Variants in SRGAP2C observed in about 807,000 individuals in gnomAD.
The protein encoded by SRGAP2C is SLIT-ROBO Rho GTPase activating protein 2C.
In SRGAP2C, 15 loss-of-function variants were observed where a neutral mutation model predicts 25.1. The ratio of observed to expected loss-of-function variants is 0.60; its 90% CI spans 0.40 to 0.92. The LOEUF is 0.92. Among genes scored for constraint, SRGAP2C ranks in the 40% least tolerant of loss-of-function variants. The pLI, the probability that SRGAP2C is intolerant of heterozygous loss-of-function variation, is 0.00. For missense variants in SRGAP2C, 144 were observed against 264.4 expected (o/e 0.54, Z 3.16); for synonymous variants, 44 against 96.6 (o/e 0.46, Z 3.19).
chr1:121,314,203 T>TC (rs1658036475), intron 3 of SRGAP2C, among the ~76,000 whole-genome samples: 1 of 129,802 alleles, frequency 7.7e-6, no homozygotes, highest in Non-Finnish European at 1.6e-5. Flanking sequence ...TACCCTTTCT[T>TC]CCAGTTGATC....
intron 2 of SRGAP2C, among the ~76,000 whole-genome samples, chr1:121,201,753 AAG>A (rs1654984686): frequency 2.0e-5 from 3 of 152,240 alleles, no homozygotes; most frequent in African/African-American, 7.2e-5. Context: ...GTGGAGATTG[AAG>A]ATAAGAGCGT....
At chr1:121,218,639 C>T (rs1295327596) in intron 2 of SRGAP2C, among the ~76,000 whole-genome samples, 3 of 149,036 alleles carry the variant, frequency 2.0e-5, no homozygotes, top group African/African-American at 5.1e-5. Flanking sequence ...CCCAGCTACT[C>T]GGGAGGCTAA....
rs1395803553 is a variant in SRGAP2C, at chr1:121,391,261, A to G, written c.*3406A>G. On this transcript the variant is annotated 3_prime_UTR_variant, in exon 10 of 10. Transcript: ENST00000367123. Reference sequence around the variant, plus strand: ...CTCATTCACGTACATGGGAGAGTCTACAAAGTCACACGTATTCATAGGTTA... The same window carrying G: ...CTCATTCACGTACATGGGAGAGTCTGCAAAGTCACACGTATTCATAGGTTA... 3.3e-5 allele frequency: 5 copies of G among 151,750 alleles called. No individual in the cohort carries two copies. Among genetic ancestry groups the G allele is most frequent in the African/African-American group, 4.8e-5 (2 of 41,312 alleles). The allele number at this position is 151,750 out of a possible 1,614,324, so 9.4% of individuals were successfully genotyped here.
At chr1:121,370,973 CT>C (rs1170181037) in intron 5 of SRGAP2C, among the ~76,000 whole-genome samples, 3 of 151,080 alleles carry the variant, frequency 2.0e-5, no homozygotes, top group Non-Finnish European at 3.0e-5. Flanking sequence ...ATTTTAGAAC[CT>C]TTTTTTTCCT....
intron 2 of SRGAP2C, among the ~76,000 whole-genome samples, chr1:121,206,488 T>G (rs1290289905): frequency 9.2e-5 from 14 of 152,042 alleles, no homozygotes; most frequent in Admixed American, 4.6e-4. Flanking sequence ...CACTCTGAGT[T>G]GAAGAGTGAT....
chr1:121,315,022 T>A, intron 3 of SRGAP2C: 1 of 1,042,224 alleles, frequency 9.6e-7, no homozygotes, highest in South Asian at 1.3e-5. Context: ...GCTGTTATCT[T>A]CAGCTTCTTC....
intron 3 of SRGAP2C, among the ~76,000 whole-genome samples, chr1:121,285,666 T>TTGC (rs1264531043): frequency 1.4e-5 from 2 of 144,050 alleles, no homozygotes; most frequent in African/African-American, 5.2e-5. Context: ...ATCATCTTTT[T>TTGC]TGCCTGAATG....
At chr1:121,203,206 G>A (rs1655028765) in intron 2 of SRGAP2C, among the ~76,000 whole-genome samples, 1 of 152,004 alleles carries the variant, frequency 6.6e-6, no homozygotes, top group Middle Eastern at 3.4e-3. Context: ...TAGCAAGAGG[G>A]GTGATCGGAT....
Position 121,276,730 on chromosome 1 carries a change from CT to C in SRGAP2C, c.68-8064del, listed in dbSNP as rs1234112399. Among the ~76,000 whole-genome samples the C allele has an allele frequency of 2.4e-4, 11 of 45,436 alleles. 1 individual carries two copies. The highest frequency in any genetic ancestry group is 7.2e-4 in the African/African-American group (7 of 9,744). The allele number at this position is 45,436 out of a possible 152,430, so 29.8% of individuals were successfully genotyped here. A position where few individuals can be genotyped will look rare whatever the true frequency, so the allele number is the denominator to read the frequency against. On this transcript the variant is annotated intron_variant, in intron 2 of 9. Transcript: ENST00000367123. ...AGTCAACTGAACAGACAAATTTATT[CT>C]TTTTTTTTATTTTTATTTTTTGAGA...
chr1:121,356,769 T>C (rs1659073345), intron 4 of SRGAP2C, among the ~76,000 whole-genome samples: 1 of 151,926 alleles, frequency 6.6e-6, no homozygotes, highest in African/African-American at 2.4e-5. Context: ...AAGATGGAAA[T>C]TTGCCAAGAC....
chr1:121,280,276 AC>A (rs1657211880), intron 2 of SRGAP2C, among the ~76,000 whole-genome samples: 1 of 150,792 alleles, frequency 6.6e-6, no homozygotes, highest in Non-Finnish European at 1.5e-5. Context: ...TTTTAAAAAA[AC>A]ATAATAAGAA....
At chr1:121,199,095 A>G (rs1280666889) in intron 2 of SRGAP2C, among the ~76,000 whole-genome samples, 1 of 151,504 alleles carries the variant, frequency 6.6e-6, no homozygotes, top group African/African-American at 2.4e-5. Flanking sequence ...TGCTTTACAT[A>G]TATGAACTCA....
chr1:121,243,782 G>GTT lies in SRGAP2C; in HGVS notation c.68-41007_68-41006dup, dbSNP rs57068907. Among the ~76,000 whole-genome samples the GTT allele has an allele frequency of 1.5e-4, 15 of 96,978 alleles. No homozygotes were observed. In the East Asian group the frequency reaches 1.6e-3, roughly 10 times the overall value. The allele number at this position is 96,978 out of a possible 152,430, so 63.6% of individuals were successfully genotyped here. A position where few individuals can be genotyped will look rare whatever the true frequency, so the allele number is the denominator to read the frequency against. On this transcript the variant is annotated intron_variant, in intron 2 of 9. Transcript: ENST00000367123. ...GTGATATTTACCATGCAGTGTTTTT[G>GTT]TTTTTTTTTTTTTTTGAAATGATTA...
chr1:121,211,396 G>A (rs1459070935), intron 2 of SRGAP2C, among the ~76,000 whole-genome samples: 1 of 136,144 alleles, frequency 7.3e-6, no homozygotes, highest in South Asian at 2.4e-4. Flanking sequence ...CATGTTGAGA[G>A]AGAGATATAT....
intron 3 of SRGAP2C, among the ~76,000 whole-genome samples, chr1:121,293,579 T>A (rs1157474130): frequency 6.6e-6 from 1 of 152,056 alleles, no homozygotes; most frequent in Non-Finnish European, 1.5e-5. Context: ...ATTAATGGAA[T>A]TCAAAGAAGC....
At position 121,389,195 on chromosome 1, in the gene SRGAP2C, A is replaced by G. The variant is rs1409118995; in HGVS notation, c.*1340A>G. 6.6e-6 allele frequency: 1 copy of G among 152,104 alleles called. No individual in the cohort carries two copies. Among genetic ancestry groups the G allele is most frequent in the African/African-American group, 2.4e-5 (1 of 41,438 alleles). 9.4% of individuals were successfully genotyped at this position (152,104 alleles called of 1,614,324 possible). A position where few individuals can be genotyped will look rare whatever the true frequency, so the allele number is the denominator to read the frequency against. On this transcript the variant is annotated 3_prime_UTR_variant, in exon 10 of 10. Transcript: ENST00000367123. ...AAAACCTATACAAAAAAATAACAGA[A>G]TGGCATTTTAGCTCATTCATTGATT...
chr1:121,213,126 A>G (rs1655308857), intron 2 of SRGAP2C, among the ~76,000 whole-genome samples: 2 of 148,296 alleles, frequency 1.3e-5, no homozygotes, highest in South Asian at 4.3e-4. Context: ...GCTCACTGCA[A>G]CCTCTGCCTC....
chr1:121,261,094 A>ATTTTTTTT lies in SRGAP2C; in HGVS notation c.68-23687_68-23680dup, dbSNP rs1211026484. 5.3e-3 allele frequency among the ~76,000 whole-genome samples: 139 copies of ATTTTTTTT among 26,274 alleles called. 7 individuals carry two copies. The highest frequency in any genetic ancestry group is 0.014 in the East Asian group (9 of 630). The allele number at this position is 26,274 out of a possible 152,430, so 17.2% of individuals were successfully genotyped here. A position where few individuals can be genotyped will look rare whatever the true frequency, so the allele number is the denominator to read the frequency against. On this transcript the variant is annotated intron_variant, in intron 2 of 9. Coordinates refer to ENST00000367123, the MANE Select transcript of SRGAP2C (RefSeq NM_001329984.2). The stretch of plus-strand genomic sequence containing the variant: ...CAGACATGCACCACCACACCTGGCT[A>ATTTTTTTT]TTTTTTTTTTTTTTTTTTTTTTTTT...
At chr1:121,288,096 GC>G (rs1462009067) in intron 3 of SRGAP2C, among the ~76,000 whole-genome samples, 4 of 141,830 alleles carry the variant, frequency 2.8e-5, no homozygotes, top group Non-Finnish European at 3.1e-5. Context: ...CTCTTATCTG[GC>G]CCCACCCACA....
Sources: allele counts gnomAD v4.1 joint callset (sites outside exome capture counted in the v4.1 genomes callset), GRCh38; gene constraint gnomAD v4.1.1; transcripts MANE v1.5; gene names NCBI Gene and HGNC (gene_info 2026-07-23, HGNC 2026-07-21).